The following BTN1A1 variants were observed in gnomAD, a reference collection of about 807,000 sequenced individuals.
BTN1A1 encodes butyrophilin subfamily 1 member A1.
BTN1A1 carries 26 observed loss-of-function variants against 33.1 expected under a neutral mutation model. The ratio of observed to expected loss-of-function variants is 0.79; its 90% confidence interval spans 0.58 to 1.09. The LOEUF is 1.09. Ranked by LOEUF, BTN1A1 falls within the 50% of genes least tolerant of loss-of-function variation. The pLI is 0.00. For missense variants in BTN1A1, 558 were observed against 655.7 expected (o/e 0.85, Z 1.63); for synonymous variants, 235 against 256.2 (o/e 0.92, Z 0.79).
chr6:26,502,495 A>G (rs1763814329), intron 3 of BTN1A1, among the ~76,000 whole-genome samples: 1 of 151,906 alleles, frequency 6.6e-6, no homozygotes, highest in Non-Finnish European at 1.5e-5. Context: ...AATCAGTGAG[A>G]AAGGGTTTTG....
chr6:26,507,909 C>T (rs1335071431), intron 5 of BTN1A1, 41 bp from the exon 6 acceptor site: 3 of 1,611,166 alleles, frequency 1.9e-6, no homozygotes, highest in East Asian at 2.2e-5. Context: ...CCTTTACGTC[C>T]ACTATAGAAA....
chr6:26,505,920 C>T (rs1362690164), intron 4 of BTN1A1, among the ~76,000 whole-genome samples: 2 of 151,514 alleles, frequency 1.3e-5, no homozygotes, highest in African/African-American at 4.9e-5. Flanking sequence ...AGATCGAGAC[C>T]ATACTGGCCA....
At chr6:26,507,252 T>C (rs967053746) in intron 5 of BTN1A1, among the ~76,000 whole-genome samples, 15 of 152,022 alleles carry the variant, frequency 9.9e-5, no homozygotes, top group Admixed American at 2.0e-4. Flanking sequence ...ATTCTAGAAT[T>C]CTGAAAATTG....
rs538109896 is a variant in BTN1A1, at chr6:26,506,585, C to T, written c.710-98C>T. 1.4e-4 allele frequency: 191 copies of T among 1,319,856 alleles called. 1 individual carries two copies. The African/African-American group carries it at 1.6e-3, about 11-fold the overall frequency. 81.8% of individuals were successfully genotyped at this position (1,319,856 alleles called of 1,614,324 possible). On this transcript the variant is annotated intron_variant, in intron 4 of 7. Coordinates refer to ENST00000684113, the MANE Select transcript of BTN1A1 (RefSeq NM_001732.3). ...TGCTATATGAGGGATGAGAGTGGTC[C>T]AGGCCATCACCTCTTCTACCCTCCT...
At chr6:26,507,721 T>TTAA (rs10661702) in intron 5 of BTN1A1, among the ~76,000 whole-genome samples, 1 of 147,858 alleles carries the variant, frequency 6.8e-6, no homozygotes. Flanking sequence ...TGAGATTCTA[T>TTAA]AAAAAAAAAA....
At chr6:26,504,899 A>G in intron 3 of BTN1A1, 26 bp from the exon 4 acceptor site, 27 of 1,607,038 alleles carry the variant, frequency 1.7e-5, no homozygotes, top group Non-Finnish European at 2.3e-5. Context: ...CCGCTAAAAC[A>G]TTAAGTCCAG....
rs1187775771 is a variant in BTN1A1 at position 26,501,780 on chromosome 6, G to A, written c.270G>A (p.Glu90=). ...AGCAGGAAGCCGAGCAGATGCCCGA[G>A]TACCGCGGGCGGGCGACGCTGGTCC... ...GREQEAEQMP[E]YRGRATLVQD... is the part of the protein sequence containing the mutation. The change falls in exon 3 of 8, where the codon GAG becomes GAA. Residue 90 remains glutamate (E), a synonymous_variant. Coordinates refer to ENST00000684113, the MANE Select transcript of BTN1A1 (RefSeq NM_001732.3). The surrounding 1 kb of genome is among the most constrained non-coding windows in gnomAD (Gnocchi z 5.2). 2 of 1,613,560 alleles carry A rather than the reference G, an allele frequency of 1.2e-6. No homozygotes were observed. The highest frequency in any genetic ancestry group is 1.7e-6 in the Non-Finnish European group (2 of 1,179,950).
chr6:26,505,055 A>G lies in BTN1A1; in HGVS notation c.558A>G (p.Pro186=). The change falls in exon 4 of 8, where the codon CCA becomes CCG. Residue 186 remains proline, a synonymous_variant. Coordinates refer to ENST00000684113, the MANE Select transcript of BTN1A1 (RefSeq NM_001732.3). ...QWRTSKGEKF[P]STSESRNPDE... is the part of the protein sequence containing the mutation. ...GAACTTCCAAGGGAGAGAAGTTTCC[A>G]TCTACATCAGAGTCCAGGAATCCTG... 1.2e-6 allele frequency: 2 copies of G among 1,614,210 alleles called. No homozygotes were observed. Among genetic ancestry groups the G allele is most frequent in the South Asian group, 1.1e-5 (1 of 91,076 alleles).
At position 26,501,327 on chromosome 6, in the gene BTN1A1, T is replaced by C. The variant is rs961056350; in HGVS notation, c.41T>C (p.Leu14Pro). 1.4e-5 allele frequency: 23 copies of C among 1,614,160 alleles called. No homozygotes were observed. The highest frequency in any genetic ancestry group is 1.9e-5 in the Non-Finnish European group (23 of 1,180,016). The change falls in exon 2 of 8, where the codon CTC becomes CCC. Residue 14 changes from leucine to proline, a missense_variant. By Grantham distance (98) the Leu-to-Pro change is moderately conservative. Coordinates refer to ENST00000684113, the MANE Select transcript of BTN1A1 (RefSeq NM_001732.3). This position sits in a 1 kb window ranked among gnomAD's most constrained non-coding sequence, Gnocchi z 5.2. ...AGCTCCGGTCTCCCCAGATGTCTGC[T>C]CACCCTCATTCTCCTCCAGCTGCCC... Reference protein sequence around the residue: ...FPSSGLPRCLLTLILLQLPKL... With the variant: ...FPSSGLPRCLPTLILLQLPKL...
intron 3 of BTN1A1, among the ~76,000 whole-genome samples, chr6:26,502,223 C>T (rs2113889656): frequency 6.6e-6 from 1 of 152,260 alleles, no homozygotes; most frequent in South Asian, 2.1e-4. Flanking sequence ...CAAAGGCTTG[C>T]TGGATAATTT....
At position 26,509,247 on chromosome 6, in the gene BTN1A1, T is replaced by G; in HGVS notation, c.*73T>G. ...CATAGCCTTCTGAGGCTTCACCTGC[T>G]AGCTTTACCCAGTCTGTTTCTTCCT... On this transcript the variant is annotated 3_prime_UTR_variant, in exon 8 of 8. Coordinates refer to ENST00000684113, the MANE Select transcript of BTN1A1 (RefSeq NM_001732.3). 1 of 1,356,526 alleles carries G rather than the reference T, an allele frequency of 7.4e-7. No individual in the cohort carries two copies. Among genetic ancestry groups the G allele is most frequent in the Non-Finnish European group, 1.0e-6 (1 of 988,044 alleles). The allele number at this position is 1,356,526 out of a possible 1,614,324, so 84.0% of individuals were successfully genotyped here.
rs376378564 is a variant in BTN1A1, at chr6:26,509,099, G to A, written c.1506G>A (p.Glu502=). Residue 502 remains glutamate, a synonymous_variant, in exon 8 of 8, where the codon GAG becomes GAA. Coordinates refer to ENST00000684113, the MANE Select transcript of BTN1A1 (RefSeq NM_001732.3). ...SKEIPLSPMG[E]DSAPRDADTL... ...AGATCCCATTGTCCCCCATGGGGGA[G>A]GACTCTGCCCCTAGGGATGCAGACA... 110 of 1,613,840 alleles carry A rather than the reference G, an allele frequency of 6.8e-5. No individual in the cohort carries two copies. Among genetic ancestry groups the A allele is most frequent in the Non-Finnish European group, 9.0e-5 (106 of 1,179,912 alleles).
Position 26,501,332 on chromosome 6 carries a change from C to T in BTN1A1, c.46C>T (p.Leu16Phe). 1.2e-6 allele frequency: 2 copies of T among 1,614,214 alleles called. No individual in the cohort carries two copies. The highest frequency in any genetic ancestry group is 2.7e-5 in the African/African-American group (2 of 75,058). ...CGGTCTCCCCAGATGTCTGCTCACC[C>T]TCATTCTCCTCCAGCTGCCCAAACT... ...SSGLPRCLLT[L>F]ILLQLPKLDS... The change falls in exon 2 of 8, where the codon CTC becomes TTC. Residue 16 changes from leucine to phenylalanine, a missense_variant. Transcript: ENST00000684113. The surrounding 1 kb of genome is among the most constrained non-coding windows in gnomAD (Gnocchi z 5.2).
At chr6:26,507,095 C>T (rs781168683) in intron 5 of BTN1A1, among the ~76,000 whole-genome samples, 5 of 152,176 alleles carry the variant, frequency 3.3e-5, no homozygotes, top group Non-Finnish European at 5.9e-5. Context: ...TTGGTGAGTG[C>T]CTGTAATCCC....
At chr6:26,503,627 T>G (rs1322725867) in intron 3 of BTN1A1, among the ~76,000 whole-genome samples, 1 of 149,496 alleles carries the variant, frequency 6.7e-6, no homozygotes, top group East Asian at 1.9e-4. Flanking sequence ...ATATCATATA[T>G]GTATATATTA....
chr6:26,508,188 A>G (rs1763896169), intron 7 of BTN1A1, 101 bp downstream of exon 7: 1 of 1,366,528 alleles, frequency 7.3e-7, no homozygotes, highest in Middle Eastern at 1.9e-4. Flanking sequence ...TTTAGTGATG[A>G]GGACAGGAAG....
At chr6:26,508,335 G>C (rs903000985) in intron 7 of BTN1A1, among the ~76,000 whole-genome samples, 166 bp from the exon 8 acceptor site, 7 of 152,136 alleles carry the variant, frequency 4.6e-5, no homozygotes, top group African/African-American at 7.2e-5. Context: ...TGCTGGTAAG[G>C]GGGGATCCTG....
At chr6:26,506,941 C>A in intron 5 of BTN1A1, 109 bp downstream of exon 5, 1 of 1,380,782 alleles carries the variant, frequency 7.2e-7, no homozygotes, top group Non-Finnish European at 1.0e-6. Context: ...ATATTTGAGG[C>A]TGGGCATGGT....
rs1763923290 is a variant in BTN1A1 at position 26,510,119 on chromosome 6, C to T, written c.*945C>T. 6.5e-6 allele frequency: 1 copy of T among 152,816 alleles called. No individual in the cohort carries two copies. The highest frequency in any genetic ancestry group is 1.5e-5 in the Non-Finnish European group (1 of 68,176). 9.5% of individuals were successfully genotyped at this position (152,816 alleles called of 1,614,324 possible). ...AGCCCTCATCTCAATGCCCAAACCC[C>T]TTACACACACCTTCAGTTAGCTTCA... On this transcript the variant is annotated 3_prime_UTR_variant, in exon 8 of 8. Coordinates refer to ENST00000684113, the MANE Select transcript of BTN1A1 (RefSeq NM_001732.3).
Sources: gnomAD v4.1 joint callset for allele counts (sites outside exome capture counted in the v4.1 genomes callset) on GRCh38, gnomAD v4.1.1 for gene constraint, Gnocchi (gnomAD v3.1) non-coding constraint, MANE v1.5 for transcripts, NCBI Gene and HGNC (gene_info 2026-07-23, HGNC 2026-07-21) for gene names.